The following GPC6 variants were observed in gnomAD, a reference collection of about 807,000 sequenced individuals.
The protein encoded by GPC6 is glypican 6, also known as glypican-6.
GPC6 carries 14 observed loss-of-function variants against 55.2 expected under a neutral mutation model. The ratio of observed to expected loss-of-function variants is 0.25; its 90% CI spans 0.17 to 0.40. The LOEUF (loss-of-function observed/expected upper bound fraction) is 0.40. Ranked by LOEUF, GPC6 falls within the 10% of genes least tolerant of loss-of-function variation. The pLI is 1.00. For missense variants in GPC6, 641 were observed against 708.5 expected (o/e 0.90, Z 1.08); for synonymous variants, 278 against 259.6 (o/e 1.07, Z -0.68).
intron 1 of GPC6, among the ~76,000 whole-genome samples, chr13:93,540,164 A>G (rs866001330): frequency 3.3e-4 from 51 of 152,260 alleles, no homozygotes; most frequent in African/African-American, 1.1e-3. Flanking sequence ...TGGCTTCTAA[A>G]GGTCAAGGGC....
chr13:93,482,068 G>C (rs1428151481), intron 1 of GPC6, among the ~76,000 whole-genome samples: 1 of 151,942 alleles, frequency 6.6e-6, no homozygotes, highest in Non-Finnish European at 1.5e-5. Flanking sequence ...CACTTATTTA[G>C]GTCTTTAATT....
chr13:94,243,768 T>G lies in GPC6; in HGVS notation c.878-42581T>G, dbSNP rs371167294. ...CTACCAGTAGACCACACAAACTATT[T>G]TTGGTTCATCATTTATCCTGTGCAG... On this transcript the variant is annotated intron_variant, in intron 4 of 8. Transcript: ENST00000377047. Among the ~76,000 whole-genome samples, 6 of 152,270 alleles carry G rather than the reference T, an allele frequency of 3.9e-5. No individual in the cohort carries two copies. The South Asian group carries it at 6.2e-4, about 16-fold the overall frequency.
chr13:94,245,125 C>A (rs925108606), intron 4 of GPC6, among the ~76,000 whole-genome samples: 26 of 152,162 alleles, frequency 1.7e-4, no homozygotes, highest in African/African-American at 5.8e-4. Context: ...ACTTGTTCAT[C>A]CTACATATTT....
intron 1 of GPC6, among the ~76,000 whole-genome samples, chr13:93,480,000 A>C (rs1879456356): frequency 6.6e-6 from 1 of 152,218 alleles, no homozygotes; most frequent in Non-Finnish European, 1.5e-5. Context: ...CAACAAAGGC[A>C]AGATAAGAGT....
At chr13:93,677,364 G>A (rs147154056) in intron 2 of GPC6, among the ~76,000 whole-genome samples, 47 of 152,224 alleles carry the variant, frequency 3.1e-4, no homozygotes, top group Admixed American at 5.2e-4. Flanking sequence ...TAAATACAGA[G>A]TATATTATTC....
At chr13:94,394,412 CCTT>C (rs1230652232) in intron 7 of GPC6, among the ~76,000 whole-genome samples, 1 of 152,226 alleles carries the variant, frequency 6.6e-6, no homozygotes, top group African/African-American at 2.4e-5. Flanking sequence ...CCAAAATTCT[CCTT>C]CTATGTCTCC....
intron 3 of GPC6, among the ~76,000 whole-genome samples, chr13:94,004,153 C>G (rs570402069): frequency 2.0e-5 from 3 of 152,014 alleles, no homozygotes; most frequent in Non-Finnish European, 2.9e-5. Flanking sequence ...TTAGATTGAA[C>G]CCTGATCTAT....
chr13:94,023,686 G>A (rs1036073344), intron 3 of GPC6, among the ~76,000 whole-genome samples: 1 of 151,952 alleles, frequency 6.6e-6, no homozygotes, highest in African/African-American at 2.4e-5. Context: ...AATCCGCATA[G>A]CAACTTTATT....
rs923074819 is a variant in GPC6, at chr13:94,256,878, C to CT, written c.878-29465dup. ...TTCTTTTTTAGACTGAACAAAATTT[C>CT]TTTTTTCCTTTGTGTCAATCACATA... On this transcript the variant is annotated intron_variant, in intron 4 of 8. Transcript: ENST00000377047. Among the ~76,000 whole-genome samples the CT allele has an allele frequency of 3.6e-3, 548 of 152,212 alleles. 2 individuals carry two copies. The highest frequency in any genetic ancestry group is 0.013 in the African/African-American group (529 of 41,524).
chr13:93,627,238 G>A (rs1229188832), intron 2 of GPC6, among the ~76,000 whole-genome samples: 2 of 151,940 alleles, frequency 1.3e-5, no homozygotes, highest in Non-Finnish European at 2.9e-5. Flanking sequence ...CCACTTATGA[G>A]TGAGAACATG....
chr13:93,716,903 T>G (rs1369597118), intron 2 of GPC6, among the ~76,000 whole-genome samples: 3 of 151,702 alleles, frequency 2.0e-5, no homozygotes, highest in Non-Finnish European at 4.4e-5. Flanking sequence ...TACTGTATCT[T>G]TTCTGTGTCT....
At chr13:93,494,608 C>T (rs1880176683) in intron 1 of GPC6, among the ~76,000 whole-genome samples, 1 of 152,168 alleles carries the variant, frequency 6.6e-6, no homozygotes, top group Admixed American at 6.5e-5. Context: ...GATGCAGTTT[C>T]TTCCTAGTCT....
At chr13:94,215,664 C>G (rs1462716080) in intron 4 of GPC6, among the ~76,000 whole-genome samples, 1 of 151,950 alleles carries the variant, frequency 6.6e-6, no homozygotes, top group Non-Finnish European at 1.5e-5. Flanking sequence ...TTTAAAGTTA[C>G]AAAACTAACC....
chr13:93,377,517 G>A (rs1259625573), intron 1 of GPC6, among the ~76,000 whole-genome samples: 1 of 152,170 alleles, frequency 6.6e-6, no homozygotes, highest in Non-Finnish European at 1.5e-5. Context: ...GGGTGGAAAG[G>A]ACGTTGGTCT....
rs148128294 is a variant in GPC6 at position 93,403,815 on chromosome 13, G to A, written c.161-141448G>A. ...CTCTCTCCAGAGTTTGTCATTTTATGAATTACATATTTAGTTAATTCAACA... is the reference window on the plus strand; with the variant it reads ...CTCTCTCCAGAGTTTGTCATTTTATAAATTACATATTTAGTTAATTCAACA... On this transcript the variant is annotated intron_variant, in intron 1 of 8. Transcript: ENST00000377047. Among the ~76,000 whole-genome samples the A allele has an allele frequency of 5.4e-3, 824 of 151,986 alleles. 13 individuals are homozygous for A. The highest frequency in any genetic ancestry group is 0.018 in the African/African-American group (767 of 41,466).
At chr13:93,513,513 T>G (rs1158848541) in intron 1 of GPC6, among the ~76,000 whole-genome samples, 1 of 152,220 alleles carries the variant, frequency 6.6e-6, no homozygotes, top group Non-Finnish European at 1.5e-5. Flanking sequence ...TGGTAATTAG[T>G]AAATGTTGGT....
At chr13:93,320,189 A>G (rs1365276425) in intron 1 of GPC6, among the ~76,000 whole-genome samples, 2 of 152,178 alleles carry the variant, frequency 1.3e-5, no homozygotes, top group East Asian at 1.9e-4. Context: ...GAGAAAATAT[A>G]TACTCATAAT....
At chr13:93,275,592 A>G (rs9561297) in intron 1 of GPC6, among the ~76,000 whole-genome samples, 37,202 of 151,988 alleles carry the variant, frequency 0.24, 4,681 homozygotes, top group African/African-American at 0.3. Flanking sequence ...CAGCTTTGGT[A>G]TCATCTGAGG....
At chr13:93,695,585 A>G (rs1331926830) in intron 2 of GPC6, among the ~76,000 whole-genome samples, 3 of 152,230 alleles carry the variant, frequency 2.0e-5, no homozygotes, top group Admixed American at 2.0e-4. Flanking sequence ...CTTTTGAGTA[A>G]ATTTTCTCTC....
Sources: gnomAD v4.1 joint callset for allele counts (sites outside exome capture counted in the v4.1 genomes callset) on GRCh38, gnomAD v4.1.1 for gene constraint, MANE v1.5 for transcripts, NCBI Gene and HGNC (gene_info 2026-07-23, HGNC 2026-07-21) for gene names.